The following ZNF445 variants were observed in gnomAD, a reference collection of about 807,000 sequenced individuals.
ZNF445 encodes zinc finger protein 445, also known as zinc finger protein 168.
A neutral mutation model predicts 93.9 loss-of-function variants in ZNF445; 19 were observed. The observed-to-expected ratio is 0.20, with a 90% CI of 0.14 to 0.30. The LOEUF (loss-of-function observed/expected upper bound fraction) is 0.30. ZNF445 is among the 10% of genes least tolerant of loss of function. ZNF445 has a pLI of 1.00. For synonymous variants in ZNF445, 449 were observed against 446.3 expected (o/e 1.01, Z -0.08); for missense variants, 1,058 against 1,259.4 (o/e 0.84, Z 2.42).
intron 1 of ZNF445, among the ~76,000 whole-genome samples, chr3:44,459,351 T>C (rs561782577): frequency 1.3e-5 from 2 of 152,188 alleles, no homozygotes; most frequent in Non-Finnish European, 1.5e-5. Context: ...TAATAAAAAA[T>C]GTACAAGATC....
In ZNF445 at chr3:44,440,669, G is replaced by A. The variant is rs939569797; in HGVS notation, c.*5906C>T. ...TGGACCTTGCTCAAGAAAAGAATTC[G>A]GGCGAGTCCACAAAGTGAAAGTAGT... On this transcript the variant is annotated 3_prime_UTR_variant, in exon 8 of 8. Transcript: ENST00000396077. The A allele has an allele frequency of 2.0e-5, 3 of 152,172 alleles. No individual in the cohort carries two copies. The highest frequency in any genetic ancestry group is 4.8e-5 in the African/African-American group (2 of 41,428). 9.4% of individuals were successfully genotyped at this position (152,172 alleles called of 1,614,324 possible).
chr3:44,472,159 T>TA (rs1212219691), intron 1 of ZNF445, among the ~76,000 whole-genome samples: 2 of 152,136 alleles, frequency 1.3e-5, no homozygotes, highest in African/African-American at 4.8e-5. Context: ...GCAATTAAGT[T>TA]AAAGAGAAAG....
Position 44,447,582 on chromosome 3 carries a change from CGA to C in ZNF445, c.2087_2088del (p.Leu696ArgfsTer2). On this transcript the variant is annotated frameshift_variant, in exon 8 of 8. Transcript: ENST00000396077. LOFTEE classifies it high-confidence loss of function. The surrounding 1 kb of genome is among the most constrained non-coding windows in gnomAD (Gnocchi z 4.7). ...CCTGTGTGAATTCTCTGGTGGTCAA[CGA>C]GAGTTTTCTTTCTAGTAAAAGTTTT... is the stretch of plus-strand genomic sequence containing the variant. ...CGKTFTRKKT[L>X]VDHQRIHTGE... 1 of 1,614,144 alleles carries C rather than the reference CGA, an allele frequency of 6.2e-7. No individual in the cohort carries two copies. The highest frequency in any genetic ancestry group is 8.5e-7 in the Non-Finnish European group (1 of 1,180,026).
At chr3:44,473,490 C>CACACACACAAAA (rs774842477) in intron 1 of ZNF445, among the ~76,000 whole-genome samples, 16 of 56,928 alleles carry the variant, frequency 2.8e-4, no homozygotes, top group African/African-American at 7.0e-4. Flanking sequence ...CACACACACA[C>CACACACACAAAA]AAAAAATGCT....
chr3:44,453,729 C>G (rs190935706), intron 3 of ZNF445, among the ~76,000 whole-genome samples: 11 of 152,340 alleles, frequency 7.2e-5, no homozygotes, highest in Admixed American at 7.2e-4. Flanking sequence ...CTTGAACTGA[C>G]CAGCTGCTGC....
intron 2 of ZNF445, 65 bp from the exon 3 acceptor site, chr3:44,455,761 G>C (rs1429913674): frequency 1.8e-6 from 1 of 540,706 alleles, no homozygotes; most frequent in Non-Finnish European, 3.2e-6. Context: ...CTGCTGGTTG[G>C]GATCATCTTT....
chr3:44,453,356 GA>G (rs1303650044), intron 3 of ZNF445, among the ~76,000 whole-genome samples: 6 of 151,216 alleles, frequency 4.0e-5, no homozygotes, highest in African/African-American at 7.3e-5. Context: ...CTGCACTGGT[GA>G]AATCTCAGCT....
In ZNF445 at chr3:44,455,197, T is replaced by C. The variant is rs1698011716; in HGVS notation, c.353A>G (p.His118Arg). 5 of 1,614,206 alleles carry C rather than the reference T, an allele frequency of 3.1e-6. No individual in the cohort carries two copies. Among genetic ancestry groups the C allele is most frequent in the Non-Finnish European group, 4.2e-6 (5 of 1,180,042 alleles). The change falls in exon 3 of 8, where the codon CAT becomes CGT. Residue 118 changes from histidine to arginine, a missense_variant. Physicochemically the swap from His to Arg is conservative, Grantham distance 29 (BLOSUM62 0). This residue lies in a region of ZNF445 where 657 missense variants were observed against 746.4 expected (regional missense o/e 0.88). Coordinates refer to ENST00000396077, the MANE Select transcript of ZNF445 (RefSeq NM_181489.6). Reference protein sequence around the residue: ...PGELRVWVQLHNPESGEEAVA... With the variant: ...PGELRVWVQLRNPESGEEAVA... ...AGCCTCCTCGCCACTCTCAGGGTTATGAAGCTGCACCCAAACCCGGAGCTC... is the reference window on the plus strand; with the variant it reads ...AGCCTCCTCGCCACTCTCAGGGTTACGAAGCTGCACCCAAACCCGGAGCTC...
chr3:44,471,847 T>TA (rs1460923231), intron 1 of ZNF445, among the ~76,000 whole-genome samples: 1 of 144,252 alleles, frequency 6.9e-6, no homozygotes, highest in Non-Finnish European at 1.5e-5. Context: ...GGAGTAAGAA[T>TA]AAGTATTCAA....
At chr3:44,454,795 C>G (rs1575311437) in intron 3 of ZNF445, 1 of 356,824 alleles carries the variant, frequency 2.8e-6, no homozygotes, top group East Asian at 6.6e-5. Context: ...GCTTGAACTC[C>G]TGGCCTCAAG....
chr3:44,451,133 G>C (rs1226540394), intron 4 of ZNF445, among the ~76,000 whole-genome samples, 171 bp from the exon 5 acceptor site: 5 of 152,120 alleles, frequency 3.3e-5, no homozygotes, highest in African/African-American at 1.2e-4. Flanking sequence ...GTAGTGGGAT[G>C]GGGGGTGTAA....
chr3:44,451,090 A>G (rs1697950290), intron 4 of ZNF445, 128 bp from the exon 5 acceptor site: 1 of 997,726 alleles, frequency 1.0e-6, no homozygotes, highest in Non-Finnish European at 1.5e-6. Context: ...TACCCATCTC[A>G]CATGTCCTCA....
Position 44,439,065 on chromosome 3 carries a change from C to G in ZNF445, c.*7510G>C, listed in dbSNP as rs112869389. On this transcript the variant is annotated 3_prime_UTR_variant, in exon 8 of 8. Coordinates refer to ENST00000396077, the MANE Select transcript of ZNF445 (RefSeq NM_181489.6). ...GTGGCTCACACCTGTAATCCCAGCA[C>G]TTTGGCAAGCTGAGGCAGGTGGGTC... 1 of 151,248 alleles carries G rather than the reference C, an allele frequency of 6.6e-6. No individual in the cohort carries two copies. 9.4% of individuals were successfully genotyped at this position (151,248 alleles called of 1,614,324 possible).
chr3:44,467,043 G>C (rs1489639146), intron 1 of ZNF445, among the ~76,000 whole-genome samples: 1 of 152,168 alleles, frequency 6.6e-6, no homozygotes, highest in Non-Finnish European at 1.5e-5. Flanking sequence ...AGGACTCTAA[G>C]TGCCAGTCTC....
intron 1 of ZNF445, among the ~76,000 whole-genome samples, chr3:44,468,500 G>C (rs1199400003): frequency 6.6e-6 from 1 of 152,188 alleles, no homozygotes; most frequent in Non-Finnish European, 1.5e-5. Flanking sequence ...CACAAGATTA[G>C]AAATTATGGT....
rs1697812923 is a variant in ZNF445 at position 44,441,664 on chromosome 3, T to C, written c.*4911A>G. The C allele has an allele frequency of 6.6e-6, 1 of 152,202 alleles. No homozygotes were observed. The highest frequency in any genetic ancestry group is 2.4e-5 in the African/African-American group (1 of 41,450). 9.4% of individuals were successfully genotyped at this position (152,202 alleles called of 1,614,324 possible). A position where few individuals can be genotyped will look rare whatever the true frequency, so the allele number is the denominator to read the frequency against. On this transcript the variant is annotated 3_prime_UTR_variant, in exon 8 of 8. Transcript: ENST00000396077. ...ACTATGCTTAAGAAATATTTTTACT[T>C]TGAAACACTTTAAGCAAACAGTTAA...
Position 44,447,837 on chromosome 3 carries a change from C to T in ZNF445, c.1834G>A (p.Val612Ile), listed in dbSNP as rs1178842379. Residue 612 changes from valine to isoleucine, a missense_variant, in exon 8 of 8, where the codon GTT (valine) becomes ATT (isoleucine). Val to Ile is a conservative substitution (Grantham distance 29, BLOSUM62 3). Around this residue, in one of 3 missense-constraint regions of ZNF445, gnomAD observed 657 missense variants for 746.4 expected, o/e 0.88. Transcript: ENST00000396077. The surrounding 1 kb of genome is among the most constrained non-coding windows in gnomAD (Gnocchi z 4.7). ...CRKSFHCKSY[V>I]LEHQRIHTQE... Reference sequence around the variant, plus strand: ...GTGTGAATCCTTTGATGTTCAAGAACATATGACTTACAGTGGAAGGATTTC... The same window carrying T: ...GTGTGAATCCTTTGATGTTCAAGAATATATGACTTACAGTGGAAGGATTTC... 1.2e-6 allele frequency: 2 copies of T among 1,614,122 alleles called. No homozygotes were observed. Among genetic ancestry groups the T allele is most frequent in the African/African-American group, 2.7e-5 (2 of 75,052 alleles).
At chr3:44,474,163 C>A (rs967428895) in intron 1 of ZNF445, among the ~76,000 whole-genome samples, 1 of 152,164 alleles carries the variant, frequency 6.6e-6, no homozygotes, top group African/African-American at 2.4e-5. Flanking sequence ...CAGTAAGGTT[C>A]CAGTGGTAAA....
chr3:44,450,837 A>G, intron 5 of ZNF445, 31 bp downstream of exon 5: 1 of 1,514,154 alleles, frequency 6.6e-7, no homozygotes, highest in East Asian at 2.4e-5. Context: ...ACGTGGGGAC[A>G]TCAGGAAGGA....
Sources: allele counts gnomAD v4.1 joint callset (sites outside exome capture counted in the v4.1 genomes callset), GRCh38; gene constraint gnomAD v4.1.1; regional missense constraint gnomAD v4.1.1; non-coding constraint Gnocchi (gnomAD v3.1); transcripts MANE v1.5; gene names NCBI Gene and HGNC (gene_info 2026-07-23, HGNC 2026-07-21).